MYO16: variants seen among roughly 807,000 people sequenced by gnomAD.
MYO16 encodes the protein unconventional myosin-XVI.
MYO16 carries 94 observed loss-of-function variants against 205.3 expected under a neutral mutation model. The ratio of observed to expected loss-of-function variants is 0.46; its 90% CI spans 0.39 to 0.54. The LOEUF (loss-of-function observed/expected upper bound fraction) is 0.54, where lower values mean the gene tolerates loss of function less well. MYO16 is among the 20% of genes least tolerant of loss of function. The pLI, the probability that MYO16 is intolerant of heterozygous loss-of-function variation, is 0.00. For missense variants in MYO16, 2,315 were observed against 2,387.5 expected (o/e 0.97, Z 0.63); for synonymous variants, 988 against 954.0 (o/e 1.04, Z -0.66).
chr13:109,083,314 C>T (rs1888336768), intron 27 of MYO16, among the ~76,000 whole-genome samples: 1 of 131,156 alleles, frequency 7.6e-6, no homozygotes, highest in Non-Finnish European at 1.5e-5. Context: ...ACCTGGGAGG[C>T]AGAGTTTGCA....
intron 1 of MYO16, among the ~76,000 whole-genome samples, chr13:108,605,168 C>T (rs1340255660): frequency 1.3e-5 from 2 of 152,132 alleles, no homozygotes; most frequent in Non-Finnish European, 2.9e-5. Context: ...TCTTAAAGGA[C>T]TGACTCTTAG....
chr13:109,075,282 A>T (rs1361059442), intron 27 of MYO16, among the ~76,000 whole-genome samples: 1 of 149,218 alleles, frequency 6.7e-6, no homozygotes, highest in African/African-American at 2.5e-5. Flanking sequence ...CTGTTTTCCA[A>T]ATTGGTTGTT....
chr13:109,162,641 G>A lies in MYO16; in HGVS notation c.5165-2260G>A, dbSNP rs1299843471. On this transcript the variant is annotated intron_variant, in intron 32 of 34. Coordinates refer to ENST00000457511, the MANE Select transcript of MYO16 (RefSeq NM_001198950.3). This position sits in a 1 kb window ranked among gnomAD's most constrained non-coding sequence, Gnocchi z 4.6. ...CTTGTTTATTGCCAATCACCTTTTTGGGAGAGAAGCTCCCAGGTACCAGGC... is the reference window on the plus strand; with the variant it reads ...CTTGTTTATTGCCAATCACCTTTTTAGGAGAGAAGCTCCCAGGTACCAGGC... 2.0e-5 allele frequency among the ~76,000 whole-genome samples: 3 copies of A among 152,070 alleles called. No individual in the cohort carries two copies. Among genetic ancestry groups the A allele is most frequent in the Non-Finnish European group, 2.9e-5 (2 of 68,024 alleles).
rs114567649 is a variant in MYO16, at chr13:108,984,660, G to A, written c.2370-7716G>A. Among the ~76,000 whole-genome samples, 554 of 152,224 alleles carry A rather than the reference G, an allele frequency of 3.6e-3. 2 individuals carry two copies. Among genetic ancestry groups the A allele is most frequent in the African/African-American group, 0.013 (533 of 41,512 alleles). ...AACCAGACCCATGTACTTGGGTTTC[G>A]TGCTTTTTGAGTTTCCTTACAATTT... On this transcript the variant is annotated intron_variant, in intron 20 of 34. Transcript: ENST00000457511.
chr13:108,692,290 C>T (rs568156767), intron 2 of MYO16, among the ~76,000 whole-genome samples: 1 of 152,164 alleles, frequency 6.6e-6, no homozygotes, highest in African/African-American at 2.4e-5. Context: ...GTCCTCAGCA[C>T]TTTTGAAACT....
intron 20 of MYO16, among the ~76,000 whole-genome samples, chr13:108,973,475 T>C (rs1185279873): frequency 6.6e-6 from 1 of 152,184 alleles, no homozygotes; most frequent in Non-Finnish European, 1.5e-5. Flanking sequence ...AATTCACATA[T>C]TTTGATAATA....
intron 16 of MYO16, among the ~76,000 whole-genome samples, chr13:108,955,299 T>C (rs1291589994): frequency 6.6e-6 from 1 of 152,010 alleles, no homozygotes; most frequent in Non-Finnish European, 1.5e-5. Context: ...CAGCTCCTTT[T>C]CTTGAAGTCT....
chr13:108,907,336 G>C (rs1160953957), intron 15 of MYO16, among the ~76,000 whole-genome samples: 5 of 152,112 alleles, frequency 3.3e-5, no homozygotes, highest in African/African-American at 1.2e-4. Flanking sequence ...ATGGACACTT[G>C]TAGAGAATTA....
chr13:108,813,084 G>A (rs567028879), intron 7 of MYO16, among the ~76,000 whole-genome samples: 9 of 152,186 alleles, frequency 5.9e-5, no homozygotes, highest in Non-Finnish European at 1.0e-4. Context: ...GGTTGGACAC[G>A]GGCAGAGGAG....
At chr13:108,871,322 T>TTGTGTGTGTG (rs58117690) in intron 12 of MYO16, among the ~76,000 whole-genome samples, 5,195 of 131,408 alleles carry the variant, frequency 0.04, 144 homozygotes, top group Non-Finnish European at 0.046. Context: ...CTATGTGACT[T>TTGTGTGTGTG]TGTGTGTGTG....
intron 24 of MYO16, among the ~76,000 whole-genome samples, chr13:109,051,656 A>C (rs1257792522): frequency 1.3e-5 from 2 of 152,240 alleles, no homozygotes; most frequent in Non-Finnish European, 2.9e-5. Context: ...GGTGTCAAGA[A>C]AGGAATATGG....
At chr13:108,523,359 T>C in the MYO16 span, among the ~76,000 whole-genome samples, 1 of 152,218 alleles carries the variant, frequency 6.6e-6, no homozygotes. Context: ...TCTGTTTCCA[T>C]TGCCGCTGCC....
chr13:108,874,696 CATTATTATTATTATT>C (rs34831399), intron 12 of MYO16, among the ~76,000 whole-genome samples: 1,322 of 106,834 alleles, frequency 0.012, 13 homozygotes, highest in African/African-American at 0.028. Context: ...TCATCATCAT[CATTATTATTATTATT>C]ATTATTATTA....
At chr13:109,120,508 T>C (rs754170797) in intron 29 of MYO16, 42 bp downstream of exon 29, 1 of 1,507,120 alleles carries the variant, frequency 6.6e-7, no homozygotes. Flanking sequence ...ATTTGAGTTG[T>C]GAAATGCAAA....
At chr13:108,978,085 G>T (rs1594442131) in intron 20 of MYO16, among the ~76,000 whole-genome samples, 1 of 151,158 alleles carries the variant, frequency 6.6e-6, no homozygotes, top group Non-Finnish European at 1.5e-5. Flanking sequence ...GCTATAATGA[G>T]TTCTATTCTA....
At chr13:108,814,537 G>A (rs945424156) in intron 7 of MYO16, among the ~76,000 whole-genome samples, 1 of 151,924 alleles carries the variant, frequency 6.6e-6, no homozygotes, top group Non-Finnish European at 1.5e-5. Context: ...CTATTTTAAT[G>A]TCCTGGGAAC....
At chr13:108,699,467 C>T (rs1418146580) in intron 2 of MYO16, among the ~76,000 whole-genome samples, 1 of 152,030 alleles carries the variant, frequency 6.6e-6, no homozygotes, top group East Asian at 1.9e-4. Flanking sequence ...TTTAAACTTA[C>T]ATAACATAAA....
chr13:108,985,193 A>G (rs773793963), intron 20 of MYO16, among the ~76,000 whole-genome samples: 29 of 152,230 alleles, frequency 1.9e-4, no homozygotes, highest in Non-Finnish European at 3.7e-4. Context: ...GATAGCAAGT[A>G]CAAACCACAC....
At position 108,886,563 on chromosome 13, in the gene MYO16, A is replaced by G. The variant is rs973098836; in HGVS notation, c.1554-1809A>G. 3 of 449,188 alleles carry G rather than the reference A, an allele frequency of 6.7e-6. No individual in the cohort carries two copies. The Admixed American group carries it at 7.2e-5, about 11-fold the overall frequency. The allele number at this position is 449,188 out of a possible 1,614,324, so 27.8% of individuals were successfully genotyped here. ...CCCCTTCTCAGTTGAATACCACCAG[A>G]GCTTAGGGCGCAAACTGCTGGCGGC... On this transcript the variant is annotated intron_variant, in intron 13 of 34. Coordinates refer to ENST00000457511, the MANE Select transcript of MYO16 (RefSeq NM_001198950.3).
Sources: gnomAD v4.1 joint callset for allele counts (sites outside exome capture counted in the v4.1 genomes callset) on GRCh38, gnomAD v4.1.1 for gene constraint, Gnocchi (gnomAD v3.1) non-coding constraint, MANE v1.5 for transcripts, NCBI Gene and HGNC (gene_info 2026-07-23, HGNC 2026-07-21) for gene names.